Variants in MAP3K13 observed in about 807,000 individuals in gnomAD.
MAP3K13 encodes mitogen-activated protein kinase kinase kinase 13.
A neutral mutation model predicts 104.0 loss-of-function variants in MAP3K13; 52 were observed. The observed-to-expected ratio is 0.50, with a 90% CI of 0.40 to 0.63. The LOEUF is 0.63. MAP3K13 is among the 20% of genes least tolerant of loss of function. The pLI, the probability that MAP3K13 is intolerant of heterozygous loss-of-function variation, is 0.00. For missense variants in MAP3K13, 914 were observed against 1,218.5 expected (o/e 0.75, Z 3.72); for synonymous variants, 394 against 442.2 (o/e 0.89, Z 1.37).
rs140232195 is a variant in MAP3K13, at chr3:185,422,786, C to T, written c.-85-5711C>T. Among the ~76,000 whole-genome samples, 180 of 152,322 alleles carry T rather than the reference C, an allele frequency of 1.2e-3. 1 individual carries two copies. Among genetic ancestry groups the T allele is most frequent in the Non-Finnish European group, 2.2e-4 (15 of 68,032 alleles). On this transcript the variant is annotated intron_variant, in intron 1 of 13. Transcript: ENST00000265026. ...CTGTATAGCAGGGGTTCCCAACCTC[C>T]AGGCCATGGTCTGGTACCAGTCTGT...
At chr3:185,466,244 A>G (rs937964079) in intron 9 of MAP3K13, among the ~76,000 whole-genome samples, 10 of 152,368 alleles carry the variant, frequency 6.6e-5, no homozygotes, top group African/African-American at 2.4e-4. Flanking sequence ...CCAAATAAGC[A>G]GCTACTGAAA....
At chr3:185,370,167 T>C (rs1008713110) in intron 1 of MAP3K13, among the ~76,000 whole-genome samples, 2 of 152,182 alleles carry the variant, frequency 1.3e-5, no homozygotes, top group African/African-American at 4.8e-5. Flanking sequence ...TAAAATCTAC[T>C]TTTATTCCAA....
chr3:185,452,903 G>A (rs763854812), intron 7 of MAP3K13, among the ~76,000 whole-genome samples: 1 of 152,108 alleles, frequency 6.6e-6, no homozygotes, highest in Non-Finnish European at 1.5e-5. Flanking sequence ...ATGTTCCATC[G>A]GCCAAGCAAG....
chr3:185,459,043 C>A (rs2148911275), intron 7 of MAP3K13, among the ~76,000 whole-genome samples: 1 of 152,260 alleles, frequency 6.6e-6, no homozygotes, highest in East Asian at 1.9e-4. Flanking sequence ...GGATCGTGTG[C>A]CTGGCTTTGA....
chr3:185,289,663 A>C (rs28680364), intron 2 of MAP3K13, among the ~76,000 whole-genome samples: 2 of 152,338 alleles, frequency 1.3e-5, no homozygotes, highest in South Asian at 2.1e-4. Flanking sequence ...AAAGAAAAAA[A>C]GAAAAAACCA....
intron 2 of MAP3K13, among the ~76,000 whole-genome samples, chr3:185,344,042 C>G (rs747764464): frequency 6.6e-6 from 1 of 152,194 alleles, no homozygotes; most frequent in South Asian, 2.1e-4. Flanking sequence ...ATAAGATATG[C>G]ATGTGTTCAT....
At chr3:185,455,050 G>C (rs1397547966) in intron 7 of MAP3K13, among the ~76,000 whole-genome samples, 26 of 85,072 alleles carry the variant, frequency 3.1e-4, no homozygotes, top group African/African-American at 1.0e-3. Context: ...ATATATATGA[G>C]ATATATGTGA....
At chr3:185,363,084 C>T, upstream of MAP3K13, 2 of 985,052 alleles carry the variant, frequency 2.0e-6, no homozygotes, top group Non-Finnish European at 1.2e-6. Context: ...GCCATGTCTG[C>T]CTGAAGCCTA....
chr3:185,469,725 T>C (rs1175070319), intron 10 of MAP3K13, among the ~76,000 whole-genome samples: 2 of 152,234 alleles, frequency 1.3e-5, no homozygotes, highest in African/African-American at 2.4e-5. Context: ...ATCTGAGAGC[T>C]TGTTATACTT....
At chr3:185,457,130 T>C (rs1198125206) in intron 7 of MAP3K13, among the ~76,000 whole-genome samples, 2 of 50,940 alleles carry the variant, frequency 3.9e-5, no homozygotes, top group African/African-American at 8.0e-5. Flanking sequence ...GGCAGCTAAG[T>C]TGCCACAGTC....
chr3:185,318,045 A>AT (rs1263904651), intron 2 of MAP3K13, among the ~76,000 whole-genome samples: 1 of 151,932 alleles, frequency 6.6e-6, no homozygotes, highest in Non-Finnish European at 1.5e-5. Flanking sequence ...TTTTTGTTTA[A>AT]TTTTTTTAAT....
intron 1 of MAP3K13, among the ~76,000 whole-genome samples, chr3:185,383,732 A>G (rs1333200215): frequency 2.0e-5 from 3 of 152,200 alleles, no homozygotes; most frequent in African/African-American, 7.2e-5. Flanking sequence ...AATCAAATAA[A>G]CCTTTTTTCT....
chr3:185,455,235 G>T (rs1577586387), intron 7 of MAP3K13, among the ~76,000 whole-genome samples: 1 of 70,168 alleles, frequency 1.4e-5, no homozygotes, highest in South Asian at 5.2e-4. Context: ...ATATATATGA[G>T]ATATATATAT....
At chr3:185,400,907 T>G (rs1446514244) in intron 1 of MAP3K13, among the ~76,000 whole-genome samples, 3 of 18,954 alleles carry the variant, frequency 1.6e-4, no homozygotes, top group East Asian at 1.5e-3. Context: ...GTTTGTTTGT[T>G]TTTTTTTTTT....
Position 185,488,050 on chromosome 3 carries a change from A to T in MAP3K13, c.*5594A>T, listed in dbSNP as rs1381048958. 6.6e-6 allele frequency: 1 copy of T among 152,234 alleles called. No homozygotes were observed. Among genetic ancestry groups the T allele is most frequent in the Non-Finnish European group, 1.5e-5 (1 of 68,038 alleles). 9.4% of individuals were successfully genotyped at this position (152,234 alleles called of 1,614,324 possible). ...GGAACACCAATCACTGATGGATCCCATTCCAAAATGTCTCTTCATTCACAT... is the reference window on the plus strand; with the variant it reads ...GGAACACCAATCACTGATGGATCCCTTTCCAAAATGTCTCTTCATTCACAT... On this transcript the variant is annotated 3_prime_UTR_variant, in exon 14 of 14. Coordinates refer to ENST00000265026, the MANE Select transcript of MAP3K13 (RefSeq NM_004721.5).
At chr3:185,393,825 A>G (rs1044747372) in intron 1 of MAP3K13, among the ~76,000 whole-genome samples, 3 of 152,154 alleles carry the variant, frequency 2.0e-5, no homozygotes, top group Non-Finnish European at 4.4e-5. Flanking sequence ...AGAGTACTCA[A>G]TCATCTTTTT....
intron 3 of MAP3K13, among the ~76,000 whole-genome samples, chr3:185,441,653 A>G (rs1715326427): frequency 6.6e-6 from 1 of 152,208 alleles, no homozygotes; most frequent in African/African-American, 2.4e-5. Flanking sequence ...CTGTAATCCC[A>G]GCACTTTGGG....
In MAP3K13 at chr3:185,444,340, A is replaced by AT. The variant is rs1335738361; in HGVS notation, c.851+704_851+705insT. 3.7e-3 allele frequency among the ~76,000 whole-genome samples: 194 copies of AT among 51,770 alleles called. 1 individual carries two copies. The highest frequency in any genetic ancestry group is 6.5e-3 in the African/African-American group (169 of 25,848). 34.0% of individuals were successfully genotyped at this position (51,770 alleles called of 152,430 possible). A position where few individuals can be genotyped will look rare whatever the true frequency, so the allele number is the denominator to read the frequency against. On this transcript the variant is annotated intron_variant, in intron 4 of 13. Transcript: ENST00000265026. ...GACAGAGCAAGACTCTGTCTCAAAA[A>AT]AAAAATAATAAAAATAAATAAATAA...
chr3:185,297,193 C>T (rs1186987241), intron 2 of MAP3K13, among the ~76,000 whole-genome samples: 2 of 152,210 alleles, frequency 1.3e-5, no homozygotes, highest in Non-Finnish European at 2.9e-5. Flanking sequence ...AAAATGTACA[C>T]AGTCTGTCCA....
Sources: gnomAD v4.1 joint callset for allele counts (sites outside exome capture counted in the v4.1 genomes callset) on GRCh38, gnomAD v4.1.1 for gene constraint, MANE v1.5 for transcripts, NCBI Gene and HGNC (gene_info 2026-07-23, HGNC 2026-07-21) for gene names.